The following AGBL5 variants were observed in gnomAD, a reference collection of about 807,000 sequenced individuals.
The protein encoded by AGBL5 is AGBL carboxypeptidase 5.
A neutral mutation model predicts 88.0 loss-of-function variants in AGBL5; 51 were observed. That is an observed-to-expected ratio of 0.58 (90% CI 0.46 to 0.73). AGBL5 has a LOEUF of 0.73. Among genes scored for constraint, AGBL5 ranks in the 30% least tolerant of loss-of-function variants. The pLI, the probability that AGBL5 is intolerant of heterozygous loss-of-function variation, is 0.00. For synonymous variants in AGBL5, 446 were observed against 438.8 expected (o/e 1.02, Z -0.21); for missense variants, 1,031 against 1,162.2 (o/e 0.89, Z 1.64).
intron 13 of AGBL5, 160 bp downstream of exon 13, chr2:27,068,904 C>T (rs1669129541): frequency 1.5e-5 from 22 of 1,492,956 alleles, no homozygotes; most frequent in Non-Finnish European, 2.0e-5. Flanking sequence ...TCTGTCCAGT[C>T]CCCTTCCTGC....
chr2:27,067,731 G>GGTTCTTTAAGCCTAGTT (rs1558425263), intron 12 of AGBL5, 85 bp downstream of exon 12: 274 of 1,487,154 alleles, frequency 1.8e-4, no homozygotes, highest in Non-Finnish European at 2.4e-4. Context: ...TGGGAGACCA[G>GGTTCTTTAAGCCTAGTT]GGGCATCACT....
chr2:27,060,421 G>A (rs751008356), intron 11 of AGBL5, among the ~76,000 whole-genome samples: 14 of 152,198 alleles, frequency 9.2e-5, no homozygotes, highest in Admixed American at 2.0e-4. Flanking sequence ...GATTGCGGAG[G>A]GGGAGAGATT....
intron 4 of AGBL5, 45 bp downstream of exon 4, chr2:27,054,104 C>A: frequency 6.4e-7 from 1 of 1,551,518 alleles, no homozygotes; most frequent in Non-Finnish European, 8.7e-7. Context: ...CTGGATCAGA[C>A]AGCACCTCCA....
chr2:27,070,022 C>A, intron 14 of AGBL5, 70 bp from the exon 15 acceptor site: 1 of 1,550,906 alleles, frequency 6.4e-7, no homozygotes, highest in South Asian at 1.2e-5. Flanking sequence ...CACTTCCCAG[C>A]CCCTGGTTAG....
At chr2:27,064,569 A>G (rs1668882781) in intron 11 of AGBL5, among the ~76,000 whole-genome samples, 1 of 151,768 alleles carries the variant, frequency 6.6e-6, no homozygotes, top group Non-Finnish European at 1.5e-5. Flanking sequence ...CCCAAGGCAC[A>G]TGAGCCACCG....
At chr2:27,056,582 TTC>T in intron 7 of AGBL5, 39 bp from the exon 8 acceptor site, 4 of 1,554,416 alleles carry the variant, frequency 2.6e-6, no homozygotes, top group Non-Finnish European at 3.5e-6. Flanking sequence ...ACCTTGTCCC[TTC>T]TGTCTCTCCT....
chr2:27,068,060 C>T (rs1445466338), intron 12 of AGBL5, among the ~76,000 whole-genome samples: 1 of 152,166 alleles, frequency 6.6e-6, no homozygotes, highest in Non-Finnish European at 1.5e-5. Context: ...ATCATTCACA[C>T]AAAGCCATCT....
chr2:27,057,511 G>C, intron 9 of AGBL5, 73 bp downstream of exon 9: 1 of 1,494,218 alleles, frequency 6.7e-7, no homozygotes, highest in Non-Finnish European at 9.0e-7. Context: ...CTTAGTGCCT[G>C]ACTCTAAGGT....
At chr2:27,061,214 C>CCACCA (rs1426801952) in intron 11 of AGBL5, 1 of 148,962 alleles carries the variant, frequency 6.7e-6, no homozygotes, top group African/African-American at 2.5e-5. Context: ...CAGGTGCATG[C>CCACCA]CACCACATCC....
intron 7 of AGBL5, 70 bp from the exon 8 acceptor site, chr2:27,056,553 C>G: frequency 7.2e-7 from 1 of 1,394,646 alleles, no homozygotes; most frequent in Non-Finnish European, 9.8e-7. Context: ...TGGTCACATA[C>G]TTGCTATCTC....
intron 6 of AGBL5, 59 bp downstream of exon 6, chr2:27,055,312 C>CA: frequency 6.4e-7 from 1 of 1,570,134 alleles, no homozygotes; most frequent in Non-Finnish European, 8.7e-7. Flanking sequence ...CCCTGCATCT[C>CA]AGTGAAATTC....
chr2:27,063,141 C>T (rs1668799734), intron 11 of AGBL5, among the ~76,000 whole-genome samples: 1 of 152,332 alleles, frequency 6.6e-6, no homozygotes, highest in South Asian at 2.1e-4. Context: ...ACTAAGAGGG[C>T]TTTAAGGCTA....
chr2:27,069,210 G>A (rs1453094072), intron 13 of AGBL5: 1 of 1,352,218 alleles, frequency 7.4e-7, no homozygotes, highest in Non-Finnish European at 9.7e-7. Flanking sequence ...TGGGTGAAGT[G>A]TACACTGCTC....
intron 12 of AGBL5, 118 bp from the exon 13 acceptor site, chr2:27,068,514 G>A (rs938804228): frequency 2.2e-5 from 18 of 804,532 alleles, no homozygotes; most frequent in African/African-American, 2.1e-4. Context: ...TACTCCCCAC[G>A]ATAAAGAATT....
At chr2:27,069,864 C>T (rs1669191284) in intron 14 of AGBL5, 158 bp downstream of exon 14, 1 of 985,154 alleles carries the variant, frequency 1.0e-6, no homozygotes, top group Non-Finnish European at 1.2e-6. Context: ...TTTTTTCCCC[C>T]ACCATGGCCA....
chr2:27,067,215 T>G (rs886747761), intron 11 of AGBL5, among the ~76,000 whole-genome samples: 1 of 146,180 alleles, frequency 6.8e-6, no homozygotes, highest in Non-Finnish European at 1.5e-5. Flanking sequence ...CGTGCCATTG[T>G]GCACTTCTTC....
chr2:27,069,996 C>G, intron 14 of AGBL5, 96 bp from the exon 15 acceptor site: 1 of 1,532,608 alleles, frequency 6.5e-7, no homozygotes, highest in Non-Finnish European at 8.8e-7. Context: ...CCATCTTCAT[C>G]TCGCTCCACT....
intron 11 of AGBL5, among the ~76,000 whole-genome samples, chr2:27,064,037 G>A (rs1668851239): frequency 6.6e-6 from 1 of 152,174 alleles, no homozygotes; most frequent in African/African-American, 2.4e-5. Context: ...GCCTGTGTGT[G>A]TAGATATTTC....
Position 27,069,690 on chromosome 2 carries a change from TG to T in AGBL5, c.2474del (p.Cys825SerfsTer56). Reference sequence around the variant, plus strand: ...GAGCAGTGAGCTGGAGCTGGGATCCTGCTCTGCTACACCAGGGTGAGCACTT... The same window carrying T: ...GAGCAGTGAGCTGGAGCTGGGATCCTCTCTGCTACACCAGGGTGAGCACTT... Reference protein sequence around the residue: ...RESSELELGSCSATPGLPQAR... With the variant: ...RESSELELGSXSATPGLPQAR... On this transcript the variant is annotated frameshift_variant, in exon 14 of 15. Transcript: ENST00000360131. LOFTEE classifies it high-confidence loss of function. 3 of 1,614,094 alleles carry T rather than the reference TG, an allele frequency of 1.9e-6. No individual in the cohort carries two copies. The highest frequency in any genetic ancestry group is 2.5e-6 in the Non-Finnish European group (3 of 1,179,978).
Sources: gnomAD v4.1 joint callset for allele counts (sites outside exome capture counted in the v4.1 genomes callset) on GRCh38, gnomAD v4.1.1 for gene constraint, MANE v1.5 for transcripts, NCBI Gene and HGNC (gene_info 2026-07-23, HGNC 2026-07-21) for gene names.